Variants in FANK1 observed in about 807,000 individuals in gnomAD.
FANK1 encodes fibronectin type III and ankyrin repeat domains 1.
In FANK1, 44 loss-of-function variants were observed where a neutral mutation model predicts 45.3. That is an observed-to-expected ratio of 0.97 (90% CI 0.76 to 1.25). FANK1 has a LOEUF of 1.25. FANK1 is among the 50% of genes most tolerant of loss of function. The pLI, the probability that FANK1 is intolerant of heterozygous loss-of-function variation, is 0.00. For synonymous variants in FANK1, 149 were observed against 152.5 expected, an observed-to-expected ratio of 0.98 and a Z score of 0.17; for missense variants, 391 against 424.4, an observed-to-expected ratio of 0.92 and a Z score of 0.69.
intron 1 of FANK1, among the ~76,000 whole-genome samples, chr10:125,937,393 G>A (rs1342546714): frequency 1.3e-5 from 2 of 152,108 alleles, no homozygotes; most frequent in Non-Finnish European, 2.9e-5. Context: ...TTGTCATTGT[G>A]GTTTTAATTT....
chr10:125,986,358 G>A, intron 2 of FANK1, among the ~76,000 whole-genome samples: 1 of 152,142 alleles, frequency 6.6e-6, no homozygotes. Flanking sequence ...CAGGATCATT[G>A]AACGTTCAGT....
At chr10:125,932,322 C>T (rs1364303176) in intron 1 of FANK1, among the ~76,000 whole-genome samples, 1 of 152,134 alleles carries the variant, frequency 6.6e-6, no homozygotes, top group Non-Finnish European at 1.5e-5. Context: ...ATTGATCGTA[C>T]CCATCCATGA....
At chr10:125,980,449 G>A in intron 2 of FANK1, 111 bp downstream of exon 2, 1 of 1,233,532 alleles carries the variant, frequency 8.1e-7, no homozygotes, top group Non-Finnish European at 1.1e-6. Flanking sequence ...GAATGAGTCA[G>A]CATCATTTGT....
intron 7 of FANK1, among the ~76,000 whole-genome samples, chr10:126,007,363 G>A (rs927693185): frequency 1.3e-5 from 2 of 152,232 alleles, no homozygotes; most frequent in South Asian, 2.1e-4. Flanking sequence ...GAAAGTGTGT[G>A]TAAAGAGGGT....
chr10:125,994,274 GA>G lies in FANK1; in HGVS notation c.317-1140del, dbSNP rs1307398054. On this transcript the variant is annotated intron_variant, in intron 3 of 10. Transcript: ENST00000368693. The stretch of plus-strand genomic sequence containing the variant: ...CTTTCAGGGTTTAGAATAACAGGCT[GA>G]AAGCAGGCACTACAGTGTAAGTGAG... 3 of 517,268 alleles carry G rather than the reference GA, an allele frequency of 5.8e-6. No individual in the cohort carries two copies. The African/African-American group carries it at 6.2e-5, about 11-fold the overall frequency. 32.0% of individuals were successfully genotyped at this position (517,268 alleles called of 1,614,324 possible).
chr10:125,983,626 A>G lies in FANK1; in HGVS notation c.191+3288A>G, dbSNP rs1237575044. Among the ~76,000 whole-genome samples the G allele has an allele frequency of 1.3e-5, 2 of 152,156 alleles. No homozygotes were observed. Among genetic ancestry groups the G allele is most frequent in the African/African-American group, 4.8e-5 (2 of 41,420 alleles). Reference sequence around the variant, plus strand: ...GGGGGAAGAACCTTCCAGACATAGCAAAGGGCAGGTGAGAAAGCCTGGCAG... The same window carrying G: ...GGGGGAAGAACCTTCCAGACATAGCGAAGGGCAGGTGAGAAAGCCTGGCAG... On this transcript the variant is annotated intron_variant, in intron 2 of 10. Coordinates refer to ENST00000368693, the MANE Select transcript of FANK1 (RefSeq NM_145235.5). This position sits in a 1 kb window ranked among gnomAD's most constrained non-coding sequence, Gnocchi z 4.3.
intron 1 of FANK1, among the ~76,000 whole-genome samples, chr10:125,908,271 C>T (rs1351940205): frequency 6.6e-6 from 1 of 152,188 alleles, no homozygotes; most frequent in African/African-American, 2.4e-5. Flanking sequence ...GCTGGGATTA[C>T]AGGTGTGAGC....
intron 1 of FANK1, among the ~76,000 whole-genome samples, chr10:125,899,061 ATTTAT>A (rs778229106): frequency 6.6e-6 from 1 of 151,738 alleles, no homozygotes; most frequent in Non-Finnish European, 1.5e-5. Flanking sequence ...TACCCCGCTA[ATTTAT>A]TTATTTATTT....
chr10:125,912,290 C>T (rs550382448), intron 1 of FANK1, among the ~76,000 whole-genome samples: 104 of 152,326 alleles, frequency 6.8e-4, no homozygotes, highest in African/African-American at 2.5e-3. Context: ...GAAGCACAAA[C>T]TGTAACTCAA....
intron 3 of FANK1, chr10:125,989,133 G>T: frequency 1.5e-6 from 1 of 664,070 alleles, no homozygotes; most frequent in South Asian, 1.9e-5. Flanking sequence ...GTGAGTGAGG[G>T]TGAACGAACA....
chr10:125,901,285 C>G (rs1215493405), intron 1 of FANK1, among the ~76,000 whole-genome samples: 7 of 152,320 alleles, frequency 4.6e-5, no homozygotes, highest in South Asian at 4.1e-4. Context: ...CCTCACCCCA[C>G]CCTTCTCCAT....
chr10:125,911,273 G>A (rs1274389342), intron 1 of FANK1, among the ~76,000 whole-genome samples: 1 of 152,182 alleles, frequency 6.6e-6, no homozygotes, highest in Admixed American at 6.5e-5. Context: ...TAGAGCCAAG[G>A]TGTGTGGAAA....
At chr10:126,009,347 T>C (rs745647776) in intron 10 of FANK1, 26 bp from the exon 11 acceptor site, 2 of 1,614,096 alleles carry the variant, frequency 1.2e-6, no homozygotes, top group East Asian at 2.2e-5. Context: ...CTGGATTACA[T>C]TCGCCTGTCT....
chr10:125,900,713 A>C (rs1171722190), intron 1 of FANK1, among the ~76,000 whole-genome samples: 1 of 152,002 alleles, frequency 6.6e-6, no homozygotes. Context: ...GTGTGGTGGC[A>C]CTAGCTTGGC....
At chr10:125,945,719 C>T (rs1948745171) in intron 1 of FANK1, among the ~76,000 whole-genome samples, 1 of 152,188 alleles carries the variant, frequency 6.6e-6, no homozygotes, top group South Asian at 2.1e-4. Context: ...AACAAAGCAG[C>T]CAGGAGGCTC....
intron 4 of FANK1, among the ~76,000 whole-genome samples, chr10:125,995,991 A>G (rs1240262268): frequency 6.6e-6 from 1 of 152,232 alleles, no homozygotes; most frequent in Admixed American, 6.5e-5. Context: ...TTTTGAATCA[A>G]TAGTTTTGAG....
chr10:125,986,146 T>C (rs1951545126), intron 2 of FANK1, among the ~76,000 whole-genome samples: 2 of 152,202 alleles, frequency 1.3e-5, no homozygotes, highest in Admixed American at 6.5e-5. Context: ...CTCATTTGGC[T>C]TCTTTTAGGT....
intron 1 of FANK1, among the ~76,000 whole-genome samples, chr10:125,923,128 T>C (rs1947062245): frequency 6.6e-6 from 1 of 152,086 alleles, no homozygotes; most frequent in South Asian, 2.1e-4. Flanking sequence ...AAGATTTTTT[T>C]CTACTTTTTG....
chr10:125,919,733 T>C (rs997121860), intron 1 of FANK1, among the ~76,000 whole-genome samples: 15 of 152,158 alleles, frequency 9.9e-5, no homozygotes, highest in Non-Finnish European at 2.2e-4. Context: ...CATGATACCC[T>C]CAAGTGAGTT....
Sources: gnomAD v4.1 joint callset for allele counts (sites outside exome capture counted in the v4.1 genomes callset) on GRCh38, gnomAD v4.1.1 for gene constraint, Gnocchi (gnomAD v3.1) non-coding constraint, MANE v1.5 for transcripts, NCBI Gene and HGNC (gene_info 2026-07-23, HGNC 2026-07-21) for gene names.